TMED8: variants seen among roughly 807,000 people sequenced by gnomAD.
TMED8 encodes the protein transmembrane p24 trafficking protein family member 8.
A neutral mutation model predicts 32.7 loss-of-function variants in TMED8; 15 were observed. That is an observed-to-expected ratio of 0.46 (90% CI 0.31 to 0.71). The LOEUF is 0.71. TMED8 is among the 30% of genes least tolerant of loss of function. The probability of loss-of-function intolerance (pLI) is 0.06; values close to 1 mark genes in which losing one functional copy is unlikely to be tolerated. For synonymous variants in TMED8, 147 were observed against 161.4 expected (o/e 0.91, Z 0.68); for missense variants, 390 against 423.9 (o/e 0.92, Z 0.70).
At chr14:77,345,684 T>C (rs1463043691) in intron 3 of TMED8, among the ~76,000 whole-genome samples, 1 of 102,842 alleles carries the variant, frequency 9.7e-6, no homozygotes. Flanking sequence ...AAAAAAAAAA[T>C]CAAGGCCAGG....
At chr14:77,350,108 C>A (rs1162558735) in intron 2 of TMED8, among the ~76,000 whole-genome samples, 1 of 152,084 alleles carries the variant, frequency 6.6e-6, no homozygotes, top group Non-Finnish European at 1.5e-5. Context: ...CCTTGCTGTC[C>A]TTTTCTGTGT....
At chr14:77,356,178 C>T (rs1386186009) in intron 1 of TMED8, among the ~76,000 whole-genome samples, 1 of 151,996 alleles carries the variant, frequency 6.6e-6, no homozygotes, top group African/African-American at 2.4e-5. Flanking sequence ...GTGAAATAAA[C>T]CACACATATG....
rs926852642 is a variant in TMED8 at position 77,376,227 on chromosome 14, G to T, written c.118+709C>A. ...AGGAACTCGCGTTAGTAGAAATGGA[G>T]ACGTCGTCCTGGACAAGAAGAGGAT... On this transcript the variant is annotated intron_variant, in intron 1 of 5. Transcript: ENST00000216468. The surrounding 1 kb of genome is among the most constrained non-coding windows in gnomAD (Gnocchi z 4.0). Among the ~76,000 whole-genome samples, 14 of 152,206 alleles carry T rather than the reference G, an allele frequency of 9.2e-5. No homozygotes were observed. The highest frequency in any genetic ancestry group is 2.1e-4 in the Non-Finnish European group (14 of 68,032).
chr14:77,340,571 A>C lies in TMED8; in HGVS notation c.*1200T>G, dbSNP rs994477942. The C allele has an allele frequency of 1.3e-5, 2 of 152,212 alleles. No homozygotes were observed. Among genetic ancestry groups the C allele is most frequent in the South Asian group, 4.1e-4 (2 of 4,832 alleles). The allele number at this position is 152,212 out of a possible 1,614,324, so 9.4% of individuals were successfully genotyped here. A position where few individuals can be genotyped will look rare whatever the true frequency, so the allele number is the denominator to read the frequency against. On this transcript the variant is annotated 3_prime_UTR_variant, in exon 6 of 6. Transcript: ENST00000216468. ...TGGTGCTCTGGTGACCACTGGCTGC[A>C]GCACTACCTGCACTCTGTGGCACTC... is the stretch of plus-strand genomic sequence containing the variant.
rs1252694775 is a variant in TMED8, at chr14:77,347,211, TAC to T, written c.198-735_198-734del. On this transcript the variant is annotated intron_variant, in intron 2 of 5. Coordinates refer to ENST00000216468, the MANE Select transcript of TMED8 (RefSeq NM_213601.3). ...AATTGGTAGAATCTCAGTTCAGTTC[TAC>T]ACACAAAGCCACTGGCTAGAAGCAA... is the stretch of plus-strand genomic sequence containing the variant. 2.0e-5 allele frequency among the ~76,000 whole-genome samples: 3 copies of T among 152,182 alleles called. No homozygotes were observed. In the East Asian group the frequency reaches 5.8e-4, roughly 29 times the overall value.
At chr14:77,359,399 TAA>T (rs143360784) in intron 1 of TMED8, 2,521 of 225,492 alleles carry the variant, frequency 0.011, 58 homozygotes, top group African/African-American at 0.057. Flanking sequence ...GTTTATTATA[TAA>T]AAACAGGCAG....
In TMED8 at chr14:77,376,775, G is replaced by T. The variant is rs1893827674; in HGVS notation, c.118+161C>A. Reference sequence around the variant, plus strand: ...AAATAACCTCGAGCCCAGGGCCCGGGTGGTGGCAGCGGCGGGGAAGGGGCC... The same window carrying T: ...AAATAACCTCGAGCCCAGGGCCCGGTTGGTGGCAGCGGCGGGGAAGGGGCC... On this transcript the variant is annotated intron_variant, in intron 1 of 5. Transcript: ENST00000216468. The surrounding 1 kb of genome is among the most constrained non-coding windows in gnomAD (Gnocchi z 4.0). 2.7e-6 allele frequency: 1 copy of T among 372,578 alleles called. No homozygotes were observed. Among genetic ancestry groups the T allele is most frequent in the Non-Finnish European group, 4.7e-6 (1 of 211,104 alleles). The allele number at this position is 372,578 out of a possible 1,614,324, so 23.1% of individuals were successfully genotyped here. A position where few individuals can be genotyped will look rare whatever the true frequency, so the allele number is the denominator to read the frequency against.
chr14:77,337,198 T>C lies in TMED8; in HGVS notation c.*4573A>G, dbSNP rs1188065755. The C allele has an allele frequency of 6.6e-6, 1 of 152,156 alleles. No individual in the cohort carries two copies. The highest frequency in any genetic ancestry group is 1.5e-5 in the Non-Finnish European group (1 of 68,022). The allele number at this position is 152,156 out of a possible 1,614,324, so 9.4% of individuals were successfully genotyped here. A position where few individuals can be genotyped will look rare whatever the true frequency, so the allele number is the denominator to read the frequency against. On this transcript the variant is annotated 3_prime_UTR_variant, in exon 6 of 6. Transcript: ENST00000216468. ...GATAAAGCTACCTGTTATCTAAGGA[T>C]TGAGTTTTAATATCAGAGTCCTGAG... is the stretch of plus-strand genomic sequence containing the variant.
rs1892734485 is a variant in TMED8 at position 77,335,257 on chromosome 14, A to C, written c.*6514T>G. 1.3e-5 allele frequency: 2 copies of C among 152,234 alleles called. No individual in the cohort carries two copies. Among genetic ancestry groups the C allele is most frequent in the Admixed American group, 1.3e-4 (2 of 15,288 alleles). 9.4% of individuals were successfully genotyped at this position (152,234 alleles called of 1,614,324 possible). A position where few individuals can be genotyped will look rare whatever the true frequency, so the allele number is the denominator to read the frequency against. ...CCACTCAGCAGGACACAAGAATTAA[A>C]GTAACAATTTGGTAAGACTCTTAGA... On this transcript the variant is annotated 3_prime_UTR_variant, in exon 6 of 6. Coordinates refer to ENST00000216468, the MANE Select transcript of TMED8 (RefSeq NM_213601.3).
intron 1 of TMED8, chr14:77,359,592 C>A: frequency 2.5e-6 from 1 of 406,032 alleles, no homozygotes. Flanking sequence ...TGGCTTTCTA[C>A]TTGATCAAAA....
At chr14:77,351,566 TCTTTA>T (rs1430433086) in intron 2 of TMED8, 102 bp downstream of exon 2, 150 of 1,074,954 alleles carry the variant, frequency 1.4e-4, no homozygotes, top group Non-Finnish European at 7.8e-5. Context: ...CGGCCCACAT[TCTTTA>T]CTTTAACTTG....
chr14:77,366,880 G>T (rs1893562370), intron 1 of TMED8, among the ~76,000 whole-genome samples: 1 of 152,110 alleles, frequency 6.6e-6, no homozygotes. Flanking sequence ...GAATAGAAGT[G>T]ATATGCACTC....
At position 77,341,900 on chromosome 14, in the gene TMED8, G is replaced by A. The variant is rs969792615; in HGVS notation, c.849C>T (p.Asp283=). 1.9e-6 allele frequency: 3 copies of A among 1,613,232 alleles called. No individual in the cohort carries two copies. In the African/African-American group the frequency reaches 4.0e-5, roughly 22 times the overall value. ...YGEVMPVYRR[D]SHRDVQAGSH... ...TGCCAGCCTGCACGTCTCGGTGGCT[G>A]TCCCGCCGGTACACAGGCATGACCT... The change falls in exon 6 of 6, where the codon GAC becomes GAT. Residue 283 remains aspartate, a synonymous_variant. Transcript: ENST00000216468.
Position 77,338,748 on chromosome 14 carries a change from G to A in TMED8, c.*3023C>T, listed in dbSNP as rs1892823236. ...TAAACCTCTAAATGTATTGAGACCT[G>A]TCTCAGATACTTTTTGGTTTACAAT... On this transcript the variant is annotated 3_prime_UTR_variant, in exon 6 of 6. Coordinates refer to ENST00000216468, the MANE Select transcript of TMED8 (RefSeq NM_213601.3). The A allele has an allele frequency of 1.3e-5, 2 of 152,174 alleles. No homozygotes were observed. The highest frequency in any genetic ancestry group is 4.1e-4 in the South Asian group (2 of 4,834). 9.4% of individuals were successfully genotyped at this position (152,174 alleles called of 1,614,324 possible).
chr14:77,343,880 C>A (rs1892970461), intron 3 of TMED8, 57 bp from the exon 4 acceptor site: 2 of 1,571,896 alleles, frequency 1.3e-6, no homozygotes, highest in Admixed American at 3.4e-5. Context: ...TAATTAATCT[C>A]TTTTTGCATG....
chr14:77,365,943 T>C (rs1893542928), intron 1 of TMED8, among the ~76,000 whole-genome samples: 2 of 152,200 alleles, frequency 1.3e-5, no homozygotes, highest in Non-Finnish European at 2.9e-5. Flanking sequence ...ACCTAACTAG[T>C]AATGAAAGAC....
Position 77,341,932 on chromosome 14 carries a change from A to G in TMED8, c.817T>C (p.Tyr273His). Reference sequence around the variant, plus strand: ...CGGTACACAGGCATGACCTCCCCATAGCGACCCCGCAAGGAGCTCCTGGAG... The same window carrying G: ...CGGTACACAGGCATGACCTCCCCATGGCGACCCCGCAAGGAGCTCCTGGAG... ...RGSRSSLRGR[Y>H]GEVMPVYRRD... The change falls in exon 6 of 6, where the codon TAT (tyrosine) becomes CAT (histidine). Residue 273 changes from tyrosine to histidine, a missense_variant. Coordinates refer to ENST00000216468, the MANE Select transcript of TMED8 (RefSeq NM_213601.3). 1 of 1,613,838 alleles carries G rather than the reference A, an allele frequency of 6.2e-7. No individual in the cohort carries two copies. The highest frequency in any genetic ancestry group is 2.2e-5 in the East Asian group (1 of 44,862).
In TMED8 at chr14:77,338,877, A is replaced by G. The variant is rs555438351; in HGVS notation, c.*2894T>C. On this transcript the variant is annotated 3_prime_UTR_variant, in exon 6 of 6. Transcript: ENST00000216468. ...ATATGTCTTCCTTTCTAAAAGGCCC[A>G]TCTCTCAACAAAGTGGCAAAACTAA... 2 of 152,366 alleles carry G rather than the reference A, an allele frequency of 1.3e-5. No individual in the cohort carries two copies. Among genetic ancestry groups the G allele is most frequent in the East Asian group, 3.8e-4 (2 of 5,196 alleles). 9.4% of individuals were successfully genotyped at this position (152,366 alleles called of 1,614,324 possible).
In TMED8 at chr14:77,335,243, G is replaced by A. The variant is rs1177884690; in HGVS notation, c.*6528C>T. On this transcript the variant is annotated 3_prime_UTR_variant, in exon 6 of 6. Coordinates refer to ENST00000216468, the MANE Select transcript of TMED8 (RefSeq NM_213601.3). ...TTTTAAAAGAAAAACCACTCAGCAGGACACAAGAATTAAAGTAACAATTTG... is the reference window on the plus strand; with the variant it reads ...TTTTAAAAGAAAAACCACTCAGCAGAACACAAGAATTAAAGTAACAATTTG... 1 of 152,096 alleles carries A rather than the reference G, an allele frequency of 6.6e-6. No homozygotes were observed. The highest frequency in any genetic ancestry group is 6.6e-5 in the Admixed American group (1 of 15,266). 9.4% of individuals were successfully genotyped at this position (152,096 alleles called of 1,614,324 possible). A position where few individuals can be genotyped will look rare whatever the true frequency, so the allele number is the denominator to read the frequency against.
Sources: allele counts gnomAD v4.1 joint callset (sites outside exome capture counted in the v4.1 genomes callset), GRCh38; gene constraint gnomAD v4.1.1; non-coding constraint Gnocchi (gnomAD v3.1); transcripts MANE v1.5; gene names NCBI Gene and HGNC (gene_info 2026-07-23, HGNC 2026-07-21).